The following TAF8 variants were observed in gnomAD, a reference collection of about 807,000 sequenced individuals.
The protein encoded by TAF8 is TATA-box binding protein associated factor 8.
In TAF8, 47 loss-of-function variants were observed where a neutral mutation model predicts 36.5. That is an observed-to-expected ratio of 1.29 (90% CI 1.02 to 1.64). The LOEUF is 1.64. Ranked by LOEUF, TAF8 falls within the 40% of genes most tolerant of loss-of-function variation. The pLI, the probability that TAF8 is intolerant of heterozygous loss-of-function variation, is 0.00. For synonymous variants in TAF8, 175 were observed against 159.5 expected, an observed-to-expected ratio of 1.10 and a Z score of -0.73; for missense variants, 420 against 407.6, an observed-to-expected ratio of 1.03 and a Z score of -0.26.
chr6:42,075,945 C>T (rs1032218766), intron 7 of TAF8, among the ~76,000 whole-genome samples: 2 of 152,190 alleles, frequency 1.3e-5, no homozygotes, highest in Admixed American at 6.5e-5. Flanking sequence ...CGCGGTGGCT[C>T]ACGCCTGTAA....
intron 5 of TAF8, among the ~76,000 whole-genome samples, chr6:42,062,696 C>A (rs1169252011): frequency 6.6e-6 from 1 of 151,710 alleles, no homozygotes; most frequent in Non-Finnish European, 1.5e-5. Flanking sequence ...TGCCACCAAG[C>A]CTGGCTAATT....
intron 6 of TAF8, among the ~76,000 whole-genome samples, chr6:42,067,099 T>C (rs1297287527): frequency 6.6e-6 from 1 of 152,202 alleles, no homozygotes; most frequent in East Asian, 1.9e-4. Context: ...AACCCTTCAA[T>C]GAGGCACAAG....
intron 2 of TAF8, among the ~76,000 whole-genome samples, chr6:42,054,397 C>T (rs894134286): frequency 6.6e-6 from 1 of 152,144 alleles, no homozygotes; most frequent in African/African-American, 2.4e-5. Context: ...AGTACATTCA[C>T]AATGTTGTGC....
At chr6:42,059,341 C>T (rs113161821) in intron 5 of TAF8, among the ~76,000 whole-genome samples, 1,701 of 151,890 alleles carry the variant, frequency 0.011, 21 homozygotes, top group Middle Eastern at 0.034. Flanking sequence ...CGTGATTGCA[C>T]CATTGCACTC....
chr6:42,055,883 C>T, intron 3 of TAF8, 69 bp from the exon 4 acceptor site: 2 of 1,079,300 alleles, frequency 1.9e-6, no homozygotes, highest in Non-Finnish European at 2.9e-6. Flanking sequence ...TTTGTCCATA[C>T]TACTACTATT....
downstream of TAF8, among the ~76,000 whole-genome samples, chr6:42,084,652 G>A (rs910844291): frequency 6.6e-6 from 1 of 152,016 alleles, no homozygotes; most frequent in African/African-American, 2.4e-5. Context: ...TAATAGAGAT[G>A]GGGTTTCACC....
In TAF8 at chr6:42,081,489, C is replaced by T. The variant is rs2127467369; in HGVS notation, c.*3944C>T. 1 of 152,412 alleles carries T rather than the reference C, an allele frequency of 6.6e-6. No individual in the cohort carries two copies. Among genetic ancestry groups the T allele is most frequent in the Non-Finnish European group, 1.5e-5 (1 of 68,132 alleles). 9.4% of individuals were successfully genotyped at this position (152,412 alleles called of 1,614,324 possible). On this transcript the variant is annotated 3_prime_UTR_variant, in exon 9 of 9. Transcript: ENST00000372977. Reference sequence around the variant, plus strand: ...GTTCACGCCATTCTCCTGCCTCAGCCTCCCAAGTAGCTGGGACTACAGGTG... The same window carrying T: ...GTTCACGCCATTCTCCTGCCTCAGCTTCCCAAGTAGCTGGGACTACAGGTG...
At position 42,080,973 on chromosome 6, in the gene TAF8, T is replaced by C. The variant is rs1765905316; in HGVS notation, c.*3428T>C. ...AGCAATGTGGACAAATAAGTCAGGC[T>C]TAGCCCTTGTGTTGGCCTAAGCACA... On this transcript the variant is annotated 3_prime_UTR_variant, in exon 9 of 9. Transcript: ENST00000372977. 1.0e-5 allele frequency: 10 copies of C among 985,362 alleles called. No homozygotes were observed. Among genetic ancestry groups the C allele is most frequent in the Non-Finnish European group, 1.2e-5 (10 of 829,864 alleles). The allele number at this position is 985,362 out of a possible 1,614,324, so 61.0% of individuals were successfully genotyped here.
chr6:42,052,319 C>T (rs1425808782), intron 2 of TAF8, among the ~76,000 whole-genome samples: 1 of 59,266 alleles, frequency 1.7e-5, no homozygotes, highest in Non-Finnish European at 3.4e-5. Flanking sequence ...GGGGAAAAGC[C>T]CCCCCCCCCT....
intron 5 of TAF8, among the ~76,000 whole-genome samples, chr6:42,064,898 AGTGAG>A (rs57672176): frequency 0.74 from 105,450 of 143,024 alleles, 38,923 homozygotes; most frequent in East Asian, 0.82. Context: ...CGGAGCTTGC[AGTGAG>A]CAGAGATCCC....
rs1263445659 is a variant in TAF8 at position 42,079,164 on chromosome 6, TGGTGGGGTGAG to T, written c.*1629_*1639del. On this transcript the variant is annotated 3_prime_UTR_variant, in exon 9 of 9. Transcript: ENST00000372977. ...ATAAAGTAAACAATAGGAAAGGATT[TGGTGGGGTGAG>T]GGTGGGGTGTTGAGGGCTGGGCCTC... The T allele has an allele frequency of 1.0e-6, 1 of 984,478 alleles. No individual in the cohort carries two copies. The highest frequency in any genetic ancestry group is 6.2e-5 in the Admixed American group (1 of 16,232). The allele number at this position is 984,478 out of a possible 1,614,324, so 61.0% of individuals were successfully genotyped here.
At chr6:42,059,074 G>C (rs933491200) in intron 5 of TAF8, among the ~76,000 whole-genome samples, 4 of 152,008 alleles carry the variant, frequency 2.6e-5, no homozygotes, top group African/African-American at 9.7e-5. Flanking sequence ...AGTGCTGATT[G>C]GTCAGAGATG....
intron 3 of TAF8, 103 bp from the exon 4 acceptor site, chr6:42,055,844 CAAGGT>C (rs1329514684): frequency 7.1e-6 from 6 of 848,928 alleles, no homozygotes; most frequent in African/African-American, 5.0e-5. Flanking sequence ...TGCGTGGCTG[CAAGGT>C]CATTGAGTTG....
At chr6:42,068,107 G>A (rs971652116) in intron 6 of TAF8, among the ~76,000 whole-genome samples, 2 of 152,174 alleles carry the variant, frequency 1.3e-5, no homozygotes, top group Admixed American at 6.5e-5. Flanking sequence ...AAACTTATGT[G>A]TTGCTAGGAT....
downstream of TAF8, chr6:42,086,670 A>G (rs1225148568): frequency 6.5e-7 from 1 of 1,548,452 alleles, no homozygotes; most frequent in African/African-American, 1.4e-5. Flanking sequence ...CTCTCCTGAC[A>G]ATCCAAATAG....
intron 2 of TAF8, among the ~76,000 whole-genome samples, chr6:42,054,188 T>G (rs1257373012): frequency 6.6e-6 from 1 of 152,114 alleles, no homozygotes; most frequent in Non-Finnish European, 1.5e-5. Context: ...AGAGCCGAGC[T>G]TCAAAAACTC....
At position 42,079,621 on chromosome 6, in the gene TAF8, G is replaced by GGAGTATA. The variant is rs1765859491; in HGVS notation, c.*2077_*2078insAGTATAG. 3 of 960,628 alleles carry GGAGTATA rather than the reference G, an allele frequency of 3.1e-6. No individual in the cohort carries two copies. The highest frequency in any genetic ancestry group is 9.6e-5 in the South Asian group (2 of 20,764). 59.5% of individuals were successfully genotyped at this position (960,628 alleles called of 1,614,324 possible). On this transcript the variant is annotated 3_prime_UTR_variant, in exon 9 of 9. Transcript: ENST00000372977. ...TGTGTCGCCCCAGCTGGAGTATAGT[G>GGAGTATA]GCACTACCTCGGCTCACTGCAACCT...
intron 1 of TAF8, 35 bp downstream of exon 1, chr6:42,050,621 A>G (rs1562006557): frequency 6.5e-7 from 1 of 1,534,442 alleles, no homozygotes; most frequent in Admixed American, 2.2e-5. Context: ...GAGCCGAGAG[A>G]GTTTGGGTAT....
chr6:42,084,252 C>T (rs1450834341), downstream of TAF8, among the ~76,000 whole-genome samples: 1 of 151,056 alleles, frequency 6.6e-6, no homozygotes, highest in Non-Finnish European at 1.5e-5. Flanking sequence ...CCATTTTGAT[C>T]CCATAGGGGT....
Sources: gnomAD v4.1 joint callset for allele counts (sites outside exome capture counted in the v4.1 genomes callset) on GRCh38, gnomAD v4.1.1 for gene constraint, MANE v1.5 for transcripts, NCBI Gene and HGNC (gene_info 2026-07-23, HGNC 2026-07-21) for gene names.